FRMD4B: variants seen among roughly 807,000 people sequenced by gnomAD.
FRMD4B encodes the protein FERM domain-containing protein 4B.
A neutral mutation model predicts 141.5 loss-of-function variants in FRMD4B; 74 were observed. That is an observed-to-expected ratio of 0.52 (90% CI 0.43 to 0.63). FRMD4B has a LOEUF of 0.63. FRMD4B is among the 30% of genes least tolerant of loss of function. The pLI is 0.00. For missense variants in FRMD4B, 1,366 were observed against 1,253.4 expected, an observed-to-expected ratio of 1.09 and a Z score of -1.36; for synonymous variants, 506 against 467.9, an observed-to-expected ratio of 1.08 and a Z score of -1.05.
chr3:69,502,323 C>T (rs1706512069), intron 1 of FRMD4B, among the ~76,000 whole-genome samples: 3 of 152,206 alleles, frequency 2.0e-5, no homozygotes, highest in East Asian at 3.9e-4. Flanking sequence ...AATAGTGGTA[C>T]CAAAACAGAG....
At chr3:69,293,635 T>C (rs1178940767) in intron 4 of FRMD4B, among the ~76,000 whole-genome samples, 1 of 151,936 alleles carries the variant, frequency 6.6e-6, no homozygotes, top group Non-Finnish European at 1.5e-5. Context: ...AATCCCAACA[T>C]TTTGGGAGGC....
rs1452797444 is a variant in FRMD4B at position 69,170,466 on chromosome 3, G to C, written c.*1395C>G. 6.6e-6 allele frequency: 1 copy of C among 151,498 alleles called. No homozygotes were observed. The highest frequency in any genetic ancestry group is 1.5e-5 in the Non-Finnish European group (1 of 67,918). The allele number at this position is 151,498 out of a possible 1,614,324, so 9.4% of individuals were successfully genotyped here. Reference sequence around the variant, plus strand: ...AAACTTCATTTCTAATTATACAAATGACTAAGGACCAGTTTAACAAATCGT... The same window carrying C: ...AAACTTCATTTCTAATTATACAAATCACTAAGGACCAGTTTAACAAATCGT... On this transcript the variant is annotated 3_prime_UTR_variant, in exon 23 of 23. Transcript: ENST00000398540.
chr3:69,189,281 C>T (rs1049934575), intron 18 of FRMD4B, among the ~76,000 whole-genome samples: 4 of 141,064 alleles, frequency 2.8e-5, no homozygotes, highest in African/African-American at 1.1e-4. Context: ...TGAACAAATA[C>T]AGGCCATTAC....
At chr3:69,392,143 C>T (rs568126961) in intron 2 of FRMD4B, among the ~76,000 whole-genome samples, 5 of 152,300 alleles carry the variant, frequency 3.3e-5, no homozygotes, top group South Asian at 2.1e-4. Context: ...GTATTGAGTT[C>T]GCACTATGCA....
intron 1 of FRMD4B, among the ~76,000 whole-genome samples, chr3:69,480,919 C>A (rs190366723): frequency 0.025 from 3,734 of 152,244 alleles, 166 homozygotes; most frequent in African/African-American, 0.085. Flanking sequence ...CAATGGCGGG[C>A]GCCCCTCCCC....
intron 2 of FRMD4B, among the ~76,000 whole-genome samples, chr3:69,412,218 C>A (rs142376859): frequency 6.6e-6 from 1 of 152,140 alleles, no homozygotes; most frequent in African/African-American, 2.4e-5. Flanking sequence ...GGAATTCTGG[C>A]CCCACAACCC....
intron 7 of FRMD4B, among the ~76,000 whole-genome samples, chr3:69,242,829 C>T (rs954810107): frequency 1.3e-5 from 2 of 151,468 alleles, no homozygotes; most frequent in Non-Finnish European, 2.9e-5. Flanking sequence ...CCCGTCTCTA[C>T]TAAAAAATAC....
intron 22 of FRMD4B, among the ~76,000 whole-genome samples, chr3:69,176,138 T>G (rs188683342): frequency 1.2e-4 from 18 of 152,212 alleles, no homozygotes; most frequent in African/African-American, 4.3e-4. Context: ...AAGTAGTTCT[T>G]TGTAAACATT....
intron 17 of FRMD4B, 93 bp downstream of exon 17, chr3:69,193,555 A>G: frequency 1.5e-6 from 1 of 678,060 alleles, no homozygotes; most frequent in Non-Finnish European, 2.5e-6. Flanking sequence ...TCTTCCTTTG[A>G]TCTCTCATCA....
intron 1 of FRMD4B, among the ~76,000 whole-genome samples, chr3:69,384,851 T>C (rs1462715250): frequency 1.3e-5 from 2 of 152,024 alleles, no homozygotes; most frequent in Non-Finnish European, 1.5e-5. Context: ...TGAGACACAA[T>C]ATAATAAGAC....
At chr3:69,539,343 G>C (rs575934890) in intron 1 of FRMD4B, among the ~76,000 whole-genome samples, 1 of 152,154 alleles carries the variant, frequency 6.6e-6, no homozygotes, top group African/African-American at 2.4e-5. Flanking sequence ...AGAGGCCAGC[G>C]ACAATAAACA....
At chr3:69,350,837 G>T (rs1318595675) in intron 1 of FRMD4B, among the ~76,000 whole-genome samples, 39 of 137,852 alleles carry the variant, frequency 2.8e-4, no homozygotes, top group African/African-American at 9.7e-4. Flanking sequence ...GGTGTGGGGA[G>T]GGGGGAGGGG....
At chr3:69,436,109 G>C (rs916203897) in intron 1 of FRMD4B, among the ~76,000 whole-genome samples, 1 of 152,180 alleles carries the variant, frequency 6.6e-6, no homozygotes, top group African/African-American at 2.4e-5. Context: ...CACTGGAAAT[G>C]ACTCTACTGG....
At chr3:69,365,628 A>G (rs751237400) in intron 1 of FRMD4B, among the ~76,000 whole-genome samples, 4 of 151,928 alleles carry the variant, frequency 2.6e-5, no homozygotes, top group Non-Finnish European at 5.9e-5. Flanking sequence ...TAGCCTCTGA[A>G]TAGCTGGGAT....
rs374547325 is a variant in FRMD4B at position 69,468,088 on chromosome 3, T to C, written c.-128-35327A>G. Among the ~76,000 whole-genome samples the C allele has an allele frequency of 3.1e-4, 47 of 152,354 alleles. 1 individual carries two copies. The highest frequency in any genetic ancestry group is 9.9e-4 in the African/African-American group (41 of 41,594). On this transcript the variant is annotated intron_variant, in intron 1 of 5. Transcript: ENST00000459638. Reference sequence around the variant, plus strand: ...TAAATGTTAGCTATCACTTGAAACATGAAAACAGATCAAATTTTTCCTGCT... The same window carrying C: ...TAAATGTTAGCTATCACTTGAAACACGAAAACAGATCAAATTTTTCCTGCT...
At chr3:69,460,564 AGTTT>A (rs1705693967) in intron 1 of FRMD4B, among the ~76,000 whole-genome samples, 1 of 152,152 alleles carries the variant, frequency 6.6e-6, no homozygotes, top group Non-Finnish European at 1.5e-5. Flanking sequence ...TTTAAAATAT[AGTTT>A]GTTTTTGGCT....
intron 1 of FRMD4B, among the ~76,000 whole-genome samples, chr3:69,356,736 A>G (rs1002673713): frequency 2.6e-5 from 4 of 151,730 alleles, no homozygotes; most frequent in African/African-American, 9.7e-5. Flanking sequence ...GAGAAGAAGT[A>G]TCTTTGTTTT....
chr3:69,385,947 T>C lies in FRMD4B; in HGVS notation c.43A>G (p.Ser15Gly). 6.2e-7 allele frequency: 1 copy of C among 1,605,446 alleles called. No individual in the cohort carries two copies. Residue 15 changes from serine to glycine, a missense_variant, in exon 1 of 23, where the codon AGC (serine) becomes GGC (glycine). By Grantham distance (56) the Ser-to-Gly change is moderately conservative (BLOSUM62 0). Coordinates refer to ENST00000398540, the MANE Select transcript of FRMD4B (RefSeq NM_015123.3). ...AAGTTCCATACGAAGCGGCTGCCGC[T>C]GAACAGCAGGTCCTCCACGCCACAC... is the stretch of plus-strand genomic sequence containing the variant. ...FMCGVEDLLF[S>G]GSRFVWNLTV...
At chr3:69,203,341 A>AAAAAAAAG (rs1553700373) in intron 11 of FRMD4B, among the ~76,000 whole-genome samples, 3 of 77,018 alleles carry the variant, frequency 3.9e-5, no homozygotes, top group African/African-American at 9.0e-5. Context: ...AAAAAAAAAA[A>AAAAAAAAG]AAAGAAAGAA....
Sources: gnomAD v4.1 joint callset for allele counts (sites outside exome capture counted in the v4.1 genomes callset) on GRCh38, gnomAD v4.1.1 for gene constraint, MANE v1.5 for transcripts, NCBI Gene and HGNC (gene_info 2026-07-23, HGNC 2026-07-21) for gene names.